The following USP34 variants were observed in gnomAD, a reference collection of about 807,000 sequenced individuals.
The protein encoded by USP34 is ubiquitin specific peptidase 34, also known as ubiquitin carboxyl-terminal hydrolase 34.
A neutral mutation model predicts 460.3 loss-of-function variants in USP34; 70 were observed. The observed-to-expected ratio is 0.15, with a 90% confidence interval of 0.13 to 0.19. The LOEUF (loss-of-function observed/expected upper bound fraction) is 0.19. USP34 is among the 10% of genes least tolerant of loss of function. The pLI is 1.00. For missense variants in USP34, 3,985 were observed against 4,236.2 expected, an observed-to-expected ratio of 0.94 and a Z score of 1.65; for synonymous variants, 1,647 against 1,405.3, an observed-to-expected ratio of 1.17 and a Z score of -3.85.
intron 2 of USP34, among the ~76,000 whole-genome samples, chr2:61,407,078 C>T (rs1212961154): frequency 2.0e-5 from 3 of 152,062 alleles, no homozygotes; most frequent in Non-Finnish European, 2.9e-5. Flanking sequence ...CAATGCCTGG[C>T]ATATGTAGAT....
intron 72 of USP34, among the ~76,000 whole-genome samples, chr2:61,205,283 G>C (rs1487077162): frequency 3.9e-5 from 6 of 152,156 alleles, no homozygotes; most frequent in Admixed American, 3.3e-4. Flanking sequence ...TACGATGCTG[G>C]CTGGACTGAT....
In USP34 at chr2:61,187,898, T is replaced by C; in HGVS notation, c.*204A>G. On this transcript the variant is annotated 3_prime_UTR_variant, in exon 80 of 80. Transcript: ENST00000398571. ...TACATAAAACATATCCATTATCTGA[T>C]TGCCCTTTAGGAAGTATACTGAAGA... 6 of 1,405,594 alleles carry C rather than the reference T, an allele frequency of 4.3e-6. No homozygotes were observed. The highest frequency in any genetic ancestry group is 2.7e-5 in the East Asian group (1 of 37,588). The allele number at this position is 1,405,594 out of a possible 1,614,324, so 87.1% of individuals were successfully genotyped here. A position where few individuals can be genotyped will look rare whatever the true frequency, so the allele number is the denominator to read the frequency against.
chr2:61,431,034 C>T (rs150615379), intron 1 of USP34, among the ~76,000 whole-genome samples: 8 of 151,484 alleles, frequency 5.3e-5, no homozygotes, highest in East Asian at 1.9e-4. Context: ...AGAAATGAAA[C>T]GAAATGAAAT....
chr2:61,243,902 T>C (rs1688349383), intron 51 of USP34, among the ~76,000 whole-genome samples: 1 of 151,362 alleles, frequency 6.6e-6, no homozygotes, highest in African/African-American at 2.4e-5. Flanking sequence ...AGGCATAACA[T>C]CTACAGATGC....
chr2:61,219,572 G>A (rs1291733462), intron 67 of USP34, among the ~76,000 whole-genome samples: 1 of 151,840 alleles, frequency 6.6e-6, no homozygotes, highest in Non-Finnish European at 1.5e-5. Flanking sequence ...TCAGGAGGCT[G>A]AGGTGAAAGA....
At chr2:61,193,081 C>T (rs538535128) in intron 75 of USP34, 101 bp from the exon 76 acceptor site, 2 of 886,462 alleles carry the variant, frequency 2.3e-6, no homozygotes, top group South Asian at 1.7e-5. Context: ...CTAGTCATAA[C>T]TGCATATTTT....
At chr2:61,340,464 A>C (rs1691560119) in intron 16 of USP34, among the ~76,000 whole-genome samples, 1 of 152,208 alleles carries the variant, frequency 6.6e-6, no homozygotes, top group Non-Finnish European at 1.5e-5. Context: ...GTATGTTTAA[A>C]AGAAAACTGC....
At chr2:61,219,553 C>A (rs1687497928) in intron 67 of USP34, among the ~76,000 whole-genome samples, 1 of 151,900 alleles carries the variant, frequency 6.6e-6, no homozygotes, top group African/African-American at 2.4e-5. Flanking sequence ...CACCTGTTAT[C>A]TGAGCTACTC....
Position 61,470,792 on chromosome 2 carries a change from C to T in USP34, c.-100G>A. 1 of 963,796 alleles carries T rather than the reference C, an allele frequency of 1.0e-6. No individual in the cohort carries two copies. The highest frequency in any genetic ancestry group is 1.5e-6 in the Non-Finnish European group (1 of 667,676). 59.7% of individuals were successfully genotyped at this position (963,796 alleles called of 1,614,324 possible). ...AGAGGCGGAGGAGGGGGCCGGCCGG[C>T]CGGCGGGGCGGGGAGGCGACTAGGG... On this transcript the variant is annotated 5_prime_UTR_variant, in exon 1 of 80. Transcript: ENST00000398571.
At chr2:61,278,033 C>A (rs1421223701) in intron 41 of USP34, 132 bp downstream of exon 41, 6 of 1,159,690 alleles carry the variant, frequency 5.2e-6, no homozygotes, top group African/African-American at 3.2e-5. Context: ...TCGAATTAAA[C>A]CCTTTTCTTT....
chr2:61,269,603 A>T (rs1175826728), intron 41 of USP34, among the ~76,000 whole-genome samples: 3 of 152,086 alleles, frequency 2.0e-5, no homozygotes, highest in Admixed American at 1.3e-4. Flanking sequence ...CAAATTTACA[A>T]ATTTAAAAAA....
In USP34 at chr2:61,248,515, T is replaced by C. The variant is rs1229757779; in HGVS notation, c.6390A>G (p.Lys2130=). 6 of 1,553,690 alleles carry C rather than the reference T, an allele frequency of 3.9e-6. No homozygotes were observed. Among genetic ancestry groups the C allele is most frequent in the Non-Finnish European group, 3.5e-6 (4 of 1,145,376 alleles). Residue 2130 remains lysine (K), a synonymous_variant, in exon 49 of 80, where the codon AAA becomes AAG. Transcript: ENST00000398571. ...AGAAAGAAATGAAAAAATCACCTTC[T>C]TTCCTCTCACTCTTTCCCATAAGAA... ...EDFLMGKSER[K]EGFKEVSDHS... is the part of the protein sequence containing the mutation.
chr2:61,197,904 C>T (rs892548568), intron 75 of USP34, among the ~76,000 whole-genome samples: 1 of 152,226 alleles, frequency 6.6e-6, no homozygotes, highest in Non-Finnish European at 1.5e-5. Context: ...GGACTACAGG[C>T]GTGCGCCACC....
At chr2:61,274,747 A>G (rs1265794948) in intron 41 of USP34, among the ~76,000 whole-genome samples, 1 of 152,222 alleles carries the variant, frequency 6.6e-6, no homozygotes, top group Non-Finnish European at 1.5e-5. Flanking sequence ...CTCAGGTTGT[A>G]GGTACAGCCA....
At chr2:61,262,992 GTGTC>G (rs1688938832) in intron 43 of USP34, among the ~76,000 whole-genome samples, 1 of 151,728 alleles carries the variant, frequency 6.6e-6, no homozygotes. Flanking sequence ...CTTTTGAAAA[GTGTC>G]TGTTCATGTC....
intron 23 of USP34, among the ~76,000 whole-genome samples, chr2:61,316,441 TG>T (rs1251919206): frequency 1.3e-5 from 2 of 150,512 alleles, no homozygotes; most frequent in Non-Finnish European, 3.0e-5. Flanking sequence ...AAAAATTAGC[TG>T]GGCGTGGTGG....
At chr2:61,281,873 A>T (rs1319856859) in intron 37 of USP34, among the ~76,000 whole-genome samples, 1 of 152,240 alleles carries the variant, frequency 6.6e-6, no homozygotes, top group Admixed American at 6.5e-5. Context: ...GAAGCAACAC[A>T]GAAGCAACTT....
chr2:61,465,369 T>G (rs148862761), intron 1 of USP34, among the ~76,000 whole-genome samples: 1 of 152,182 alleles, frequency 6.6e-6, no homozygotes, highest in Non-Finnish European at 1.5e-5. Context: ...ACTAATAATA[T>G]TAATACTCTC....
intron 65 of USP34, 141 bp downstream of exon 65, chr2:61,222,478 A>G: frequency 1.6e-6 from 1 of 612,564 alleles, no homozygotes; most frequent in Non-Finnish European, 2.8e-6. Context: ...CATTTTATTC[A>G]CATTATACAC....
Sources: allele counts gnomAD v4.1 joint callset (sites outside exome capture counted in the v4.1 genomes callset), GRCh38; gene constraint gnomAD v4.1.1; transcripts MANE v1.5; gene names NCBI Gene and HGNC (gene_info 2026-07-23, HGNC 2026-07-21).